Variants in EIF2AK3 observed in about 807,000 individuals in gnomAD.
EIF2AK3 encodes the protein eukaryotic translation initiation factor 2-alpha kinase 3.
Under a neutral mutation model 113.5 loss-of-function variants are expected in EIF2AK3, and 50 were observed. The ratio of observed to expected loss-of-function variants is 0.44; its 90% CI spans 0.35 to 0.56. The LOEUF is 0.56. Ranked by LOEUF, EIF2AK3 falls within the 20% of genes least tolerant of loss-of-function variation. The pLI is 0.00. For synonymous variants in EIF2AK3, 448 were observed against 495.4 expected, an observed-to-expected ratio of 0.90 and a Z score of 1.27; for missense variants, 1,185 against 1,378.0, an observed-to-expected ratio of 0.86 and a Z score of 2.22.
At chr2:88,581,808 C>T (rs1674607935) in intron 10 of EIF2AK3, among the ~76,000 whole-genome samples, 2 of 152,286 alleles carry the variant, frequency 1.3e-5, no homozygotes, top group East Asian at 1.9e-4. Context: ...ATGAAATTGA[C>T]TGTTTTTACC....
chr2:88,596,290 C>T (rs997723227), intron 2 of EIF2AK3, among the ~76,000 whole-genome samples: 2 of 152,074 alleles, frequency 1.3e-5, no homozygotes, highest in African/African-American at 4.8e-5. Flanking sequence ...CTCGGTTGCC[C>T]TCCCTTCTTT....
intron 6 of EIF2AK3, 59 bp downstream of exon 6, chr2:88,590,384 G>T: frequency 6.3e-7 from 1 of 1,575,566 alleles, no homozygotes; most frequent in Non-Finnish European, 8.7e-7. Flanking sequence ...AAGGAACAAT[G>T]TAAGAAGAAA....
rs139905595 is a variant in EIF2AK3, at chr2:88,564,700, T to G, written c.2986-2310A>C. Among the ~76,000 whole-genome samples the G allele has an allele frequency of 2.0e-3, 304 of 152,276 alleles. 1 individual carries two copies. Among genetic ancestry groups the G allele is most frequent in the East Asian group, 2.1e-3 (11 of 5,184 alleles). The stretch of plus-strand genomic sequence containing the variant: ...CAAACACTTATGAAACTATGCCACA[T>G]TCTAGGTGTTGTTTCAGGTGTTAAG... On this transcript the variant is annotated intron_variant, in intron 14 of 16. Coordinates refer to ENST00000303236, the MANE Select transcript of EIF2AK3 (RefSeq NM_004836.7).
intron 13 of EIF2AK3, among the ~76,000 whole-genome samples, chr2:88,574,074 G>C (rs997871212): frequency 2.0e-5 from 3 of 152,052 alleles, no homozygotes; most frequent in Non-Finnish European, 4.4e-5. Context: ...TAGAATCCAA[G>C]GTTTTAGAGC....
chr2:88,595,225 A>AT (rs1323227722), intron 3 of EIF2AK3, among the ~76,000 whole-genome samples: 77 of 150,750 alleles, frequency 5.1e-4, no homozygotes, highest in African/African-American at 1.8e-3. Flanking sequence ...AAAAAAAAAA[A>AT]AAAACACCTG....
Position 88,627,445 on chromosome 2 carries a change from T to G in EIF2AK3, c.-171A>C, listed in dbSNP as rs1293738387. 7.5e-6 allele frequency: 6 copies of G among 798,914 alleles called. No individual in the cohort carries two copies. Among genetic ancestry groups the G allele is most frequent in the African/African-American group, 5.4e-5 (3 of 55,334 alleles). The allele number at this position is 798,914 out of a possible 1,614,324, so 49.5% of individuals were successfully genotyped here. On this transcript the variant is annotated 5_prime_UTR_variant, in exon 1 of 17. Coordinates refer to ENST00000303236, the MANE Select transcript of EIF2AK3 (RefSeq NM_004836.7). ...CACGTCTCAGCCCGGCCTCTGCCGC[T>G]GCCACCTGAGTGACAGCCTATCTCG...
chr2:88,592,809 TATC>T (rs1373805457), intron 4 of EIF2AK3, among the ~76,000 whole-genome samples: 2 of 151,814 alleles, frequency 1.3e-5, no homozygotes, highest in East Asian at 1.9e-4. Context: ...AACTAATAGT[TATC>T]ATATGAGAAC....
At position 88,627,450 on chromosome 2, in the gene EIF2AK3, C is replaced by T; in HGVS notation, c.-176G>A. 1.4e-6 allele frequency: 1 copy of T among 739,088 alleles called. No individual in the cohort carries two copies. The highest frequency in any genetic ancestry group is 1.9e-6 in the Non-Finnish European group (1 of 524,134). 45.8% of individuals were successfully genotyped at this position (739,088 alleles called of 1,614,324 possible). On this transcript the variant is annotated 5_prime_UTR_variant, in exon 1 of 17. In the 5' UTR this introduces an upstream ATG that the reference lacks. Coordinates refer to ENST00000303236, the MANE Select transcript of EIF2AK3 (RefSeq NM_004836.7). ...CTCAGCCCGGCCTCTGCCGCTGCCA[C>T]CTGAGTGACAGCCTATCTCGGACAT...
chr2:88,572,688 C>T (rs1276692179), intron 13 of EIF2AK3, among the ~76,000 whole-genome samples: 1 of 152,172 alleles, frequency 6.6e-6, no homozygotes, highest in African/African-American at 2.4e-5. Context: ...AACAGATTTC[C>T]TTTTCTGGTT....
At chr2:88,614,585 C>T (rs1363684802) in intron 1 of EIF2AK3, among the ~76,000 whole-genome samples, 1 of 152,150 alleles carries the variant, frequency 6.6e-6, no homozygotes, top group African/African-American at 2.4e-5. Context: ...ATCACCGCAA[C>T]CCCCTAACCA....
intron 11 of EIF2AK3, 69 bp from the exon 12 acceptor site, chr2:88,576,772 T>A: frequency 6.5e-7 from 1 of 1,540,010 alleles, no homozygotes; most frequent in Non-Finnish European, 8.9e-7. Context: ...ACAAATTATA[T>A]GACTTATACC....
intron 1 of EIF2AK3, among the ~76,000 whole-genome samples, chr2:88,615,258 C>T (rs1055266930): frequency 1.3e-5 from 2 of 152,248 alleles, no homozygotes; most frequent in South Asian, 2.1e-4. Flanking sequence ...CTTACGCATT[C>T]GTGAGGTCTT....
chr2:88,626,954 G>A lies in EIF2AK3; in HGVS notation c.308+13C>T. The A allele has an allele frequency of 3.7e-6, 6 of 1,606,492 alleles. No individual in the cohort carries two copies. The highest frequency in any genetic ancestry group is 5.1e-6 in the Non-Finnish European group (6 of 1,177,926). ...GTAAACAAGTTGCCTCCCCCGGGTCGGCAGCCCCTCACCTGCCGCGCGGTC... is the reference window on the plus strand; with the variant it reads ...GTAAACAAGTTGCCTCCCCCGGGTCAGCAGCCCCTCACCTGCCGCGCGGTC... On this transcript the variant is annotated intron_variant, in intron 1 of 16. Transcript: ENST00000303236.
chr2:88,572,345 T>G (rs760821473), intron 13 of EIF2AK3, among the ~76,000 whole-genome samples: 14 of 152,246 alleles, frequency 9.2e-5, no homozygotes, highest in Non-Finnish European at 1.6e-4. Context: ...ATCTTGACTT[T>G]ACTTTGGGAA....
At chr2:88,602,282 A>C (rs1675169828) in intron 2 of EIF2AK3, among the ~76,000 whole-genome samples, 1 of 152,190 alleles carries the variant, frequency 6.6e-6, no homozygotes, top group Admixed American at 6.5e-5. Context: ...ATCCAGAAGT[A>C]ACTCACCCAC....
At chr2:88,620,726 T>C (rs890883846) in intron 1 of EIF2AK3, among the ~76,000 whole-genome samples, 1 of 152,240 alleles carries the variant, frequency 6.6e-6, no homozygotes, top group Non-Finnish European at 1.5e-5. Context: ...ATTTTTCTCA[T>C]TCCGGGACTC....
At chr2:88,570,386 T>G (rs1038399056) in intron 14 of EIF2AK3, among the ~76,000 whole-genome samples, 1 of 152,210 alleles carries the variant, frequency 6.6e-6, no homozygotes, top group Non-Finnish European at 1.5e-5. Flanking sequence ...CTGCCCTGAT[T>G]ACAGTGCTTT....
At chr2:88,586,783 G>A (rs1282759866) in intron 8 of EIF2AK3, among the ~76,000 whole-genome samples, 2 of 150,508 alleles carry the variant, frequency 1.3e-5, no homozygotes, top group Non-Finnish European at 3.0e-5. Flanking sequence ...GTAAAGATGG[G>A]GTTTCACCAT....
At chr2:88,592,066 C>T (rs1335499746) in intron 4 of EIF2AK3, among the ~76,000 whole-genome samples, 1 of 152,088 alleles carries the variant, frequency 6.6e-6, no homozygotes, top group East Asian at 1.9e-4. Flanking sequence ...ACCCGAAAGT[C>T]TGGTTCATTT....
Sources: gnomAD v4.1 joint callset for allele counts (sites outside exome capture counted in the v4.1 genomes callset) on GRCh38, gnomAD v4.1.1 for gene constraint, MANE v1.5 for transcripts, NCBI Gene and HGNC (gene_info 2026-07-23, HGNC 2026-07-21) for gene names.